ANK3: variants seen among roughly 807,000 people sequenced by gnomAD.
The protein encoded by ANK3 is ankyrin-3.
Under a neutral mutation model 370.9 loss-of-function variants are expected in ANK3, and 57 were observed. The ratio of observed to expected loss-of-function variants is 0.15; its 90% CI spans 0.12 to 0.19. ANK3 has a LOEUF of 0.19. ANK3 is among the 10% of genes least tolerant of loss of function. The probability of loss-of-function intolerance (pLI) is 1.00; values close to 1 mark genes in which losing one functional copy is unlikely to be tolerated. For synonymous variants in ANK3, 1,929 were observed against 1,946.3 expected, an observed-to-expected ratio of 0.99 and a Z score of 0.23; for missense variants, 4,439 against 5,302.1, an observed-to-expected ratio of 0.84 and a Z score of 5.06.
At chr10:60,055,567 C>T (rs1233136042) in intron 42 of ANK3, 91 bp downstream of exon 42, 2 of 1,458,982 alleles carry the variant, frequency 1.4e-6, no homozygotes, top group Non-Finnish European at 1.8e-6. Flanking sequence ...CGTAAAAAAC[C>T]TTGGGCCCCC....
rs1219424163 is a variant in ANK3, at chr10:60,173,136, A to C, written c.2235T>G (p.Ile745Met). The C allele has an allele frequency of 3.7e-6, 6 of 1,614,018 alleles. No homozygotes were observed. Among genetic ancestry groups the C allele is most frequent in the African/African-American group, 1.3e-5 (1 of 74,930 alleles). The change falls in exon 19 of 44, where the codon ATT becomes ATG. Residue 745 changes from isoleucine (I) to methionine (M), a missense_variant. This residue lies in a region of ANK3 where 702 missense variants were observed against 941.5 expected (regional missense o/e 0.75). Transcript: ENST00000280772. ...HVGCHYGNIK[I>M]VNFLLQHSAK... ...CAGAATGCTGGAGCAGGAAATTAAC[A>C]ATCTTGATATTTCCATAGTGGCAGC...
intron 1 of ANK3, among the ~76,000 whole-genome samples, chr10:60,378,584 G>A (rs1325672099): frequency 2.6e-5 from 4 of 152,056 alleles, no homozygotes; most frequent in African/African-American, 4.8e-5. Flanking sequence ...TGCAAAGAAC[G>A]CTCATTGGGG....
At chr10:60,140,341 A>G (rs745813420) in intron 23 of ANK3, 1 of 1,613,786 alleles carries the variant, frequency 6.2e-7, no homozygotes. Flanking sequence ...AGTACAACTC[A>G]AAGATCTTAC....
At chr10:60,412,605 C>T (rs562454905) in intron 2 of ANK3, among the ~76,000 whole-genome samples, 4 of 152,266 alleles carry the variant, frequency 2.6e-5, no homozygotes, top group South Asian at 4.2e-4. Context: ...CCAGAACACC[C>T]TAACTAATAT....
chr10:60,048,294 T>G (rs1455579236), intron 42 of ANK3, among the ~76,000 whole-genome samples: 1 of 152,208 alleles, frequency 6.6e-6, no homozygotes, highest in Non-Finnish European at 1.5e-5. Context: ...ACAGCATCCA[T>G]GAGGTAAGTC....
At chr10:60,260,450 TTTCTC>T (rs2097787187) in intron 7 of ANK3, among the ~76,000 whole-genome samples, 2 of 152,208 alleles carry the variant, frequency 1.3e-5, no homozygotes, top group Non-Finnish European at 1.5e-5. Context: ...TCTAGTTTCA[TTTCTC>T]TTCTAAGAAG....
chr10:60,213,367 C>T, intron 9 of ANK3, 45 bp downstream of exon 9: 1 of 1,370,704 alleles, frequency 7.3e-7, no homozygotes, highest in Non-Finnish European at 1.0e-6. Flanking sequence ...ATATAACCAT[C>T]AAAATAAATA....
chr10:60,468,367 TTAAG>T (rs1459431407), intron 2 of ANK3, among the ~76,000 whole-genome samples: 1 of 152,116 alleles, frequency 6.6e-6, no homozygotes, highest in Non-Finnish European at 1.5e-5. Flanking sequence ...AAATTATGAA[TTAAG>T]TAAAAATGTG....
intron 1 of ANK3, among the ~76,000 whole-genome samples, chr10:60,339,185 C>G (rs958577146): frequency 3.3e-5 from 5 of 152,004 alleles, no homozygotes; most frequent in African/African-American, 1.2e-4. Flanking sequence ...ATGGTTTCCA[C>G]TAACATCTGT....
At chr10:60,100,330 C>A (rs2091024925) in intron 28 of ANK3, among the ~76,000 whole-genome samples, 2 of 128,236 alleles carry the variant, frequency 1.6e-5, no homozygotes, top group African/African-American at 5.8e-5. Context: ...AAAACTGTTA[C>A]TAGATTTCTC....
At chr10:60,228,415 TCC>T (rs2097195488) in intron 8 of ANK3, among the ~76,000 whole-genome samples, 1 of 150,922 alleles carries the variant, frequency 6.6e-6, no homozygotes, top group Non-Finnish European at 1.5e-5. Context: ...GTGCCTGTAA[TCC>T]CAGCTACTCA....
intron 1 of ANK3, among the ~76,000 whole-genome samples, chr10:60,347,528 T>G (rs1307187555): frequency 6.6e-6 from 1 of 152,044 alleles, no homozygotes; most frequent in African/African-American, 2.4e-5. Flanking sequence ...GAATCTCTGT[T>G]TCCTCATCTG....
intron 23 of ANK3, among the ~76,000 whole-genome samples, chr10:60,157,870 GAGAGAGAGAGAGAAAA>G (rs1401525348): frequency 3.2e-5 from 4 of 126,378 alleles, no homozygotes; most frequent in Admixed American, 1.9e-4. Context: ...TGGAGAGACA[GAGAGAGAGAGAGAAAA>G]AGAGAGAGAG....
In ANK3 at chr10:60,166,662, T is replaced by C. The variant is rs2095632250; in HGVS notation, c.2552-9A>G. 5 of 1,613,370 alleles carry C rather than the reference T, an allele frequency of 3.1e-6. No individual in the cohort carries two copies. Among genetic ancestry groups the C allele is most frequent in the Admixed American group, 1.7e-5 (1 of 60,014 alleles). On this transcript the variant is annotated splice_polypyrimidine_tract_variant and intron_variant, in intron 22 of 43. Transcript: ENST00000280772. ...GGCATTGGCTTTACGAACTGCATGA[T>C]TGAAGTGAACAATATAAGTGGATGA...
intron 27 of ANK3, 30 bp from the exon 28 acceptor site, chr10:60,106,089 T>C: frequency 6.4e-7 from 1 of 1,564,680 alleles, no homozygotes; most frequent in Non-Finnish European, 8.7e-7. Flanking sequence ...TATTTTGGTA[T>C]CAAATTAAAT....
chr10:60,331,867 T>C (rs192753943), intron 1 of ANK3, among the ~76,000 whole-genome samples: 34 of 152,290 alleles, frequency 2.2e-4, no homozygotes, highest in African/African-American at 7.9e-4. Flanking sequence ...GAAATGAATA[T>C]TAAATATTAA....
intron 1 of ANK3, among the ~76,000 whole-genome samples, chr10:60,341,731 G>T (rs1300749436): frequency 6.6e-6 from 1 of 152,140 alleles, no homozygotes; most frequent in Non-Finnish European, 1.5e-5. Flanking sequence ...AGCACTGAGT[G>T]ATTGGTTTTT....
chr10:60,574,865 T>C (rs1295560445), intron 2 of ANK3, among the ~76,000 whole-genome samples: 3 of 152,172 alleles, frequency 2.0e-5, no homozygotes, highest in Non-Finnish European at 4.4e-5. Context: ...TTGTCTATAG[T>C]AGATTCCAAG....
chr10:60,053,301 T>A (rs185262002), intron 42 of ANK3, among the ~76,000 whole-genome samples: 1 of 152,338 alleles, frequency 6.6e-6, no homozygotes. Context: ...CTGAATTATC[T>A]GTACATGGAA....
Sources: allele counts gnomAD v4.1 joint callset (sites outside exome capture counted in the v4.1 genomes callset), GRCh38; gene constraint gnomAD v4.1.1; regional missense constraint gnomAD v4.1.1; transcripts MANE v1.5; gene names NCBI Gene and HGNC (gene_info 2026-07-23, HGNC 2026-07-21).